The following GALNT18 variants were observed in gnomAD, a reference collection of about 807,000 sequenced individuals.
The protein encoded by GALNT18 is polypeptide N-acetylgalactosaminyltransferase 18, also known as GalNAc-transferase 18.
Under a neutral mutation model 69.5 loss-of-function variants are expected in GALNT18, and 44 were observed. That is an observed-to-expected ratio of 0.63 (90% CI 0.50 to 0.81). The LOEUF (loss-of-function observed/expected upper bound fraction) is 0.81, where lower values mean the gene tolerates loss of function less well. GALNT18 is among the 40% of genes least tolerant of loss of function. The pLI is 0.00. For synonymous variants in GALNT18, 364 were observed against 318.2 expected (o/e 1.14, Z -1.53); for missense variants, 715 against 810.0 (o/e 0.88, Z 1.42).
rs1335189761 is a variant in GALNT18 at position 11,593,476 on chromosome 11, A to G, written c.235+27883T>C. 2.0e-5 allele frequency among the ~76,000 whole-genome samples: 3 copies of G among 152,342 alleles called. No individual in the cohort carries two copies. The East Asian group carries it at 5.8e-4, about 29-fold the overall frequency. ...TGGCCTTCCTTCTCTGCAAACAGAC[A>G]CTGATGTTAACAAAGGGGCTATAAG... On this transcript the variant is annotated intron_variant, in intron 1 of 10. Transcript: ENST00000227756.
At chr11:11,373,639 T>C (rs1414954994) in intron 5 of GALNT18, among the ~76,000 whole-genome samples, 1 of 152,208 alleles carries the variant, frequency 6.6e-6, no homozygotes, top group Non-Finnish European at 1.5e-5. Context: ...TGCCAACAGC[T>C]ATGGGGTCCA....
At chr11:11,290,371 G>GC (rs1423793097) in intron 10 of GALNT18, among the ~76,000 whole-genome samples, 1 of 152,122 alleles carries the variant, frequency 6.6e-6, no homozygotes, top group Non-Finnish European at 1.5e-5. Context: ...CACAATCCCT[G>GC]CCAGAGGGGG....
intron 3 of GALNT18, among the ~76,000 whole-genome samples, chr11:11,408,396 A>G (rs1345932365): frequency 6.7e-6 from 1 of 150,354 alleles, no homozygotes; most frequent in East Asian, 2.0e-4. Context: ...AAAAAGGAAT[A>G]TACCGCCATG....
At position 11,562,153 on chromosome 11, in the gene GALNT18, T is replaced by C. The variant is rs904027630; in HGVS notation, c.235+59206A>G. Among the ~76,000 whole-genome samples, 3 of 152,206 alleles carry C rather than the reference T, an allele frequency of 2.0e-5. No homozygotes were observed. The highest frequency in any genetic ancestry group is 7.2e-5 in the African/African-American group (3 of 41,438). ...GGTGCCTTCAACAACAGATATTCAT[T>C]CTCTCACAGTTCTGGGAGCTAGACG... On this transcript the variant is annotated intron_variant, in intron 1 of 10. Coordinates refer to ENST00000227756, the MANE Select transcript of GALNT18 (RefSeq NM_198516.3). The surrounding 1 kb of genome is among the most constrained non-coding windows in gnomAD (Gnocchi z 4.1).
chr11:11,529,898 G>A (rs1416277442), intron 1 of GALNT18, among the ~76,000 whole-genome samples: 1 of 152,168 alleles, frequency 6.6e-6, no homozygotes, highest in Non-Finnish European at 1.5e-5. Flanking sequence ...TTCATACTCA[G>A]TATGAATTAT....
At position 11,404,481 on chromosome 11, in the gene GALNT18, TA is replaced by T. The variant is rs1349480342; in HGVS notation, c.596-25218del. Among the ~76,000 whole-genome samples, 2 of 152,086 alleles carry T rather than the reference TA, an allele frequency of 1.3e-5. No homozygotes were observed. Among genetic ancestry groups the T allele is most frequent in the Non-Finnish European group, 2.9e-5 (2 of 68,016 alleles). ...ATGTAAGCCCTGGCCCGGAAGGAGTTAAGGATCAAACGGCGCCCAGGGAGTG... is the reference window on the plus strand; with the variant it reads ...ATGTAAGCCCTGGCCCGGAAGGAGTTAGGATCAAACGGCGCCCAGGGAGTG... On this transcript the variant is annotated intron_variant, in intron 3 of 10. Transcript: ENST00000227756. This position sits in a 1 kb window ranked among gnomAD's most constrained non-coding sequence, Gnocchi z 4.5.
At chr11:11,345,395 G>C (rs998078388) in intron 6 of GALNT18, among the ~76,000 whole-genome samples, 2 of 152,200 alleles carry the variant, frequency 1.3e-5, no homozygotes, top group Admixed American at 6.5e-5. Flanking sequence ...TGACCCAAGA[G>C]AGAATTTCAA....
chr11:11,423,258 ATATG>A (rs1222592573), intron 3 of GALNT18, among the ~76,000 whole-genome samples: 11 of 152,152 alleles, frequency 7.2e-5, no homozygotes, highest in East Asian at 5.8e-4. Flanking sequence ...CACATGTGTT[ATATG>A]TATGTAACAC....
rs1857052108 is a variant in GALNT18 at position 11,505,487 on chromosome 11, A to C, written c.236-56551T>G. 6.6e-6 allele frequency among the ~76,000 whole-genome samples: 1 copy of C among 152,174 alleles called. No individual in the cohort carries two copies. Among genetic ancestry groups the C allele is most frequent in the African/African-American group, 2.4e-5 (1 of 41,444 alleles). On this transcript the variant is annotated intron_variant, in intron 1 of 10. Transcript: ENST00000227756. The surrounding 1 kb of genome is among the most constrained non-coding windows in gnomAD (Gnocchi z 4.6). ...AGTGTCACCCAGAAACAACCTGCTC[A>C]GCAAAGAGCTCTAGGCCATCACCAC...
intron 7 of GALNT18, among the ~76,000 whole-genome samples, chr11:11,334,665 C>G (rs1205815746): frequency 6.6e-6 from 1 of 152,128 alleles, no homozygotes; most frequent in Non-Finnish European, 1.5e-5. Context: ...AGTTCTAGAA[C>G]GACAAGGAGC....
intron 10 of GALNT18, among the ~76,000 whole-genome samples, chr11:11,285,207 A>AGG (rs1392306922): frequency 2.0e-5 from 3 of 152,136 alleles, no homozygotes; most frequent in Non-Finnish European, 4.4e-5. Context: ...TTCCAGAGGC[A>AGG]GGACAAGGGA....
chr11:11,358,949 T>A lies in GALNT18; in HGVS notation c.1092+13566A>T, dbSNP rs1850588309. ...ATAACATTTAGAAGCAACTAGAAAC[T>A]ACAATCCAATTTAAGGTGTTTAATT... On this transcript the variant is annotated intron_variant, in intron 6 of 10. Coordinates refer to ENST00000227756, the MANE Select transcript of GALNT18 (RefSeq NM_198516.3). 1.4e-5 allele frequency among the ~76,000 whole-genome samples: 2 copies of A among 139,140 alleles called. 1 individual carries two copies. Among genetic ancestry groups the A allele is most frequent in the Admixed American group, 1.4e-4 (2 of 13,958 alleles). 91.3% of individuals were successfully genotyped at this position (139,140 alleles called of 152,430 possible).
chr11:11,502,747 C>T (rs1856999134), intron 1 of GALNT18, among the ~76,000 whole-genome samples: 1 of 152,230 alleles, frequency 6.6e-6, no homozygotes, highest in African/African-American at 2.4e-5. Flanking sequence ...ATTATCCTTC[C>T]AGCTGCAGAT....
At position 11,415,545 on chromosome 11, in the gene GALNT18, A is replaced by G. The variant is rs1854835685; in HGVS notation, c.595+17076T>C. 6.6e-6 allele frequency among the ~76,000 whole-genome samples: 1 copy of G among 152,140 alleles called. No individual in the cohort carries two copies. The highest frequency in any genetic ancestry group is 1.5e-5 in the Non-Finnish European group (1 of 68,026). On this transcript the variant is annotated intron_variant, in intron 3 of 10. Coordinates refer to ENST00000227756, the MANE Select transcript of GALNT18 (RefSeq NM_198516.3). The surrounding 1 kb of genome is among the most constrained non-coding windows in gnomAD (Gnocchi z 4.1). ...AGTGGGAAATATGAGAAAGGAGAGG[A>G]GAGCCATATTGAACCTGGAGCTGGG...
intron 1 of GALNT18, among the ~76,000 whole-genome samples, chr11:11,608,405 G>C (rs1246349917): frequency 2.0e-5 from 3 of 151,890 alleles, no homozygotes; most frequent in Non-Finnish European, 4.4e-5. Context: ...TGTCACCCAG[G>C]CTTGAGTACA....
rs1234446620 is a variant in GALNT18 at position 11,583,574 on chromosome 11, GCAAAGGATACATTTA to G, written c.235+37770_235+37784del. Among the ~76,000 whole-genome samples the G allele has an allele frequency of 4.6e-5, 7 of 152,292 alleles. No individual in the cohort carries two copies. Among genetic ancestry groups the G allele is most frequent in the Admixed American group, 4.6e-4 (7 of 15,300 alleles). ...CTAAATTCCTCTCCACCTGGCCCCA[GCAAAGGATACATTTA>G]CATCTCATTCCCCAAATGTAGGACA... is the stretch of plus-strand genomic sequence containing the variant. On this transcript the variant is annotated intron_variant, in intron 1 of 10. Coordinates refer to ENST00000227756, the MANE Select transcript of GALNT18 (RefSeq NM_198516.3). The surrounding 1 kb of genome is among the most constrained non-coding windows in gnomAD (Gnocchi z 4.7).
intron 10 of GALNT18, among the ~76,000 whole-genome samples, chr11:11,290,476 G>A (rs868613904): frequency 9.2e-5 from 14 of 152,152 alleles, no homozygotes; most frequent in African/African-American, 2.4e-4. Context: ...TCCAGGCCTA[G>A]CCCAGTTGGC....
rs762905216 is a variant in GALNT18 at position 11,408,030 on chromosome 11, GAA to G, written c.595+24589_595+24590del. On this transcript the variant is annotated intron_variant, in intron 3 of 10. Coordinates refer to ENST00000227756, the MANE Select transcript of GALNT18 (RefSeq NM_198516.3). ...TTTACAATAGAGCTGCCCAGAGAGAGAAATTATACAAAACAGTAATCAGAAAA... is the reference window on the plus strand; with the variant it reads ...TTTACAATAGAGCTGCCCAGAGAGAGATTATACAAAACAGTAATCAGAAAA... 5.3e-5 allele frequency among the ~76,000 whole-genome samples: 8 copies of G among 152,188 alleles called. No individual in the cohort carries two copies. The East Asian group carries it at 9.6e-4, about 18-fold the overall frequency.
intron 1 of GALNT18, among the ~76,000 whole-genome samples, chr11:11,572,188 C>T (rs1440588145): frequency 6.6e-6 from 1 of 152,182 alleles, no homozygotes; most frequent in Non-Finnish European, 1.5e-5. Context: ...TTGCCGGGAT[C>T]CAGGCCTAGC....
Sources: gnomAD v4.1 joint callset for allele counts (sites outside exome capture counted in the v4.1 genomes callset) on GRCh38, gnomAD v4.1.1 for gene constraint, Gnocchi (gnomAD v3.1) non-coding constraint, MANE v1.5 for transcripts, NCBI Gene and HGNC (gene_info 2026-07-23, HGNC 2026-07-21) for gene names.